The following GLRX2 variants were observed in gnomAD, a reference collection of about 807,000 sequenced individuals.
GLRX2 encodes glutaredoxin 2.
GLRX2 carries 12 observed loss-of-function variants against 16.4 expected under a neutral mutation model. The ratio of observed to expected loss-of-function variants is 0.73; its 90% confidence interval spans 0.47 to 1.19. The LOEUF is 1.19. GLRX2 is among the 50% of genes most tolerant of loss of function. The pLI, the probability that GLRX2 is intolerant of heterozygous loss-of-function variation, is 0.00. For missense variants in GLRX2, 201 were observed against 201.8 expected (o/e 1.00, Z 0.02); for synonymous variants, 95 against 76.2 (o/e 1.25, Z -1.28).
At position 193,105,306 on chromosome 1, in the gene GLRX2, C is replaced by T. The variant is rs1399804851; in HGVS notation, c.77G>A (p.Arg26Lys). 6.5e-7 allele frequency: 1 copy of T among 1,534,622 alleles called. No homozygotes were observed. The highest frequency in any genetic ancestry group is 1.2e-5 in the South Asian group (1 of 83,802). The change falls in exon 1 of 4, where the codon AGG (arginine) becomes AAG (lysine). Residue 26 changes from arginine to lysine, a missense_variant. Coordinates refer to ENST00000367439, the MANE Select transcript of GLRX2 (RefSeq NM_197962.3). ...CGCAGCTCCCGCAGCTCCCGCCGCC[C>T]TGTCAAGCCAGCCTGCCGAGCCGCT... is the stretch of plus-strand genomic sequence containing the variant. Reference protein sequence around the residue: ...SRSGSAGWLDRAAGAAGAAAA... With the variant: ...SRSGSAGWLDKAAGAAGAAAA...
intron 1 of GLRX2, among the ~76,000 whole-genome samples, chr1:193,102,991 T>C (rs899176318): frequency 8.5e-5 from 13 of 152,166 alleles, no homozygotes; most frequent in African/African-American, 2.7e-4. Flanking sequence ...GTGGTGATGC[T>C]TGTGTTCAAG....
intron 1 of GLRX2, among the ~76,000 whole-genome samples, chr1:193,104,166 T>C (rs913840485): frequency 2.6e-5 from 4 of 152,176 alleles, no homozygotes; most frequent in Non-Finnish European, 5.9e-5. Context: ...AGGAGGTGCA[T>C]TCTGAAATAT....
At chr1:193,104,784 C>T (rs1167640959) in intron 1 of GLRX2, among the ~76,000 whole-genome samples, 1 of 152,270 alleles carries the variant, frequency 6.6e-6, no homozygotes, top group African/African-American at 2.4e-5. Flanking sequence ...GGCCATTCAG[C>T]GGGAATCATC....
At chr1:193,098,351 G>C (rs549055875) in intron 2 of GLRX2, among the ~76,000 whole-genome samples, 56 of 152,118 alleles carry the variant, frequency 3.7e-4, no homozygotes, top group African/African-American at 1.3e-3. Flanking sequence ...GACCAGCCTG[G>C]CCAAAATGGT....
At chr1:193,102,229 T>C (rs1675092019) in intron 1 of GLRX2, among the ~76,000 whole-genome samples, 1 of 152,176 alleles carries the variant, frequency 6.6e-6, no homozygotes, top group Non-Finnish European at 1.5e-5. Context: ...CAATACTGTA[T>C]TCATTCATTG....
intron 2 of GLRX2, among the ~76,000 whole-genome samples, chr1:193,099,312 C>T (rs1675025920): frequency 6.6e-6 from 1 of 152,000 alleles, no homozygotes; most frequent in South Asian, 2.1e-4. Flanking sequence ...ATAGATTTAG[C>T]ACCCAGACAT....
Position 193,100,956 on chromosome 1 carries a change from A to G in GLRX2, c.183+185T>C, listed in dbSNP as rs371833626. ...ATAAATCTCATACGTTTTAATTACCAAAATGATCTAGGACTTCTTAGTCAC... is the reference window on the plus strand; with the variant it reads ...ATAAATCTCATACGTTTTAATTACCGAAATGATCTAGGACTTCTTAGTCAC... On this transcript the variant is annotated intron_variant, in intron 2 of 3. Transcript: ENST00000367439. Among the ~76,000 whole-genome samples, 7 of 152,378 alleles carry G rather than the reference A, an allele frequency of 4.6e-5. 1 individual carries two copies. Among genetic ancestry groups the G allele is most frequent in the African/African-American group, 1.7e-4 (7 of 41,598 alleles).
chr1:193,098,918 T>C (rs1027742240), intron 2 of GLRX2, among the ~76,000 whole-genome samples: 8 of 152,228 alleles, frequency 5.3e-5, no homozygotes, highest in Admixed American at 3.3e-4. Flanking sequence ...CCTTCTATTC[T>C]ATAACTTTCA....
At chr1:193,100,995 A>G in intron 2 of GLRX2, 146 bp downstream of exon 2, 1 of 676,358 alleles carries the variant, frequency 1.5e-6, no homozygotes, top group South Asian at 1.7e-5. Flanking sequence ...GATGATTTTC[A>G]TAGCAGATTT....
intron 2 of GLRX2, among the ~76,000 whole-genome samples, chr1:193,098,911 T>C (rs1370664970): frequency 6.6e-6 from 1 of 152,212 alleles, no homozygotes; most frequent in Non-Finnish European, 1.5e-5. Flanking sequence ...CTCCTTACCT[T>C]CTATTCTATA....
intron 2 of GLRX2, among the ~76,000 whole-genome samples, chr1:193,099,919 C>T (rs1464334060): frequency 2.0e-5 from 3 of 152,148 alleles, no homozygotes; most frequent in African/African-American, 7.2e-5. Context: ...GTTCGTAATA[C>T]TGGGATTTGA....
At chr1:193,101,003 T>A in intron 2 of GLRX2, 138 bp downstream of exon 2, 1 of 687,806 alleles carries the variant, frequency 1.5e-6, no homozygotes, top group Non-Finnish European at 2.6e-6. Flanking sequence ...TCATAGCAGA[T>A]TTTAAAATAA....
At chr1:193,101,483 A>G (rs1002248546) in intron 1 of GLRX2, among the ~76,000 whole-genome samples, 1 of 152,238 alleles carries the variant, frequency 6.6e-6, no homozygotes, top group Non-Finnish European at 1.5e-5. Context: ...TCTTATTTAT[A>G]ACTGGCAAAT....
upstream of GLRX2, chr1:193,105,899 A>G: frequency 8.9e-7 from 1 of 1,125,294 alleles, no homozygotes; most frequent in Non-Finnish European, 1.1e-6. Flanking sequence ...AATTATGGGG[A>G]TATTGGGGTT....
chr1:193,096,676 T>A lies in GLRX2; in HGVS notation c.444A>T (p.Pro148=). The A allele has an allele frequency of 6.2e-7, 1 of 1,600,688 alleles. No homozygotes were observed. Among genetic ancestry groups the A allele is most frequent in the Non-Finnish European group, 8.6e-7 (1 of 1,168,170 alleles). Residue 148 remains proline, a synonymous_variant, in exon 4 of 4, where the codon CCA becomes CCT. Coordinates refer to ENST00000367439, the MANE Select transcript of GLRX2 (RefSeq NM_197962.3). ...TTTTTAAATAACACTGATGAACTAG[T>A]GGGAGCAATTTTCCTTCTTTGTGAA... is the stretch of plus-strand genomic sequence containing the variant. ...HRLHKEGKLL[P]LVHQCYLKKS... is the part of the protein sequence containing the mutation.
At chr1:193,105,694 G>C, upstream of GLRX2, 1 of 1,535,678 alleles carries the variant, frequency 6.5e-7, no homozygotes, top group Non-Finnish European at 8.8e-7. Context: ...AGGCTCCCAG[G>C]CACTTGGAAG....
Position 193,096,528 on chromosome 1 carries a change from C to A in GLRX2, c.*97G>T. 1 of 606,170 alleles carries A rather than the reference C, an allele frequency of 1.6e-6. No individual in the cohort carries two copies. The highest frequency in any genetic ancestry group is 2.8e-6 in the Non-Finnish European group (1 of 360,020). 37.5% of individuals were successfully genotyped at this position (606,170 alleles called of 1,614,324 possible). On this transcript the variant is annotated 3_prime_UTR_variant, in exon 4 of 4. Coordinates refer to ENST00000367439, the MANE Select transcript of GLRX2 (RefSeq NM_197962.3). ...TTACATCTTCTTCGTGAAGACAATGCATGTATTTAAAACATCCTCAAACAT... is the reference window on the plus strand; with the variant it reads ...TTACATCTTCTTCGTGAAGACAATGAATGTATTTAAAACATCCTCAAACAT...
At chr1:193,103,371 T>C (rs1428936514) in intron 1 of GLRX2, among the ~76,000 whole-genome samples, 5 of 152,140 alleles carry the variant, frequency 3.3e-5, no homozygotes, top group Non-Finnish European at 5.9e-5. Flanking sequence ...ACAGAAAAAG[T>C]GTTCCAACTG....
upstream of GLRX2, chr1:193,105,686 G>C (rs1189554964): frequency 1.3e-6 from 2 of 1,553,418 alleles, no homozygotes; most frequent in Non-Finnish European, 8.7e-7. Context: ...GCTCATAAAG[G>C]CTCCCAGGCA....
Sources: gnomAD v4.1 joint callset for allele counts (sites outside exome capture counted in the v4.1 genomes callset) on GRCh38, gnomAD v4.1.1 for gene constraint, MANE v1.5 for transcripts, NCBI Gene and HGNC (gene_info 2026-07-23, HGNC 2026-07-21) for gene names.